Variants in PAK1 observed in about 807,000 individuals in gnomAD.
PAK1 encodes the protein serine/threonine-protein kinase PAK 1.
In PAK1, 29 loss-of-function variants were observed where a neutral mutation model predicts 67.4. The ratio of observed to expected loss-of-function variants is 0.43; its 90% CI spans 0.32 to 0.59. PAK1 has a LOEUF of 0.59. Among genes scored for constraint, PAK1 ranks in the 20% least tolerant of loss-of-function variants. The pLI is 0.07. For missense variants in PAK1, 337 were observed against 670.7 expected, an observed-to-expected ratio of 0.50 and a Z score of 5.50; for synonymous variants, 223 against 237.4, an observed-to-expected ratio of 0.94 and a Z score of 0.56.
chr11:77,464,644 T>C (rs1245548265), intron 1 of PAK1, among the ~76,000 whole-genome samples: 1 of 152,232 alleles, frequency 6.6e-6, no homozygotes, highest in Non-Finnish European at 1.5e-5. Flanking sequence ...GGTTACGACC[T>C]GATAAACCCA....
At chr11:77,327,708 A>G (rs1256211775) in intron 14 of PAK1, among the ~76,000 whole-genome samples, 1 of 152,258 alleles carries the variant, frequency 6.6e-6, no homozygotes, top group Admixed American at 6.5e-5. Context: ...CATCAAGGCT[A>G]GGAAGAAACT....
chr11:77,376,917 T>C (rs1045926011), intron 4 of PAK1, among the ~76,000 whole-genome samples: 1 of 152,180 alleles, frequency 6.6e-6, no homozygotes, highest in Non-Finnish European at 1.5e-5. Context: ...CTGAGCCTAA[T>C]TAATTTCTTT....
intron 1 of PAK1, among the ~76,000 whole-genome samples, chr11:77,449,752 G>C (rs772271557): frequency 2.2e-4 from 33 of 149,978 alleles, no homozygotes; most frequent in Admixed American, 4.0e-4. Context: ...GAAATAATGT[G>C]GACTAGGAAA....
At chr11:77,341,110 A>G (rs1356102942) in intron 10 of PAK1, among the ~76,000 whole-genome samples, 1 of 152,148 alleles carries the variant, frequency 6.6e-6, no homozygotes, top group Admixed American at 6.5e-5. Context: ...ACACCTCTAG[A>G]AGCATCCAAA....
chr11:77,498,984 C>A, the PAK1 span, among the ~76,000 whole-genome samples: 2 of 151,992 alleles, frequency 1.3e-5, no homozygotes, highest in Non-Finnish European at 2.9e-5. Flanking sequence ...CAGGCATGAG[C>A]CACCACGCCC....
chr11:77,371,609 T>C (rs138110847), intron 5 of PAK1, among the ~76,000 whole-genome samples: 1 of 152,346 alleles, frequency 6.6e-6, no homozygotes, highest in Non-Finnish European at 1.5e-5. Flanking sequence ...GCAGCAATTA[T>C]ATTTGATTAT....
At chr11:77,365,979 T>C (rs958487007) in intron 5 of PAK1, among the ~76,000 whole-genome samples, 3 of 152,184 alleles carry the variant, frequency 2.0e-5, no homozygotes, top group African/African-American at 7.2e-5. Flanking sequence ...AGCTGACTGC[T>C]GATCAGAGTA....
At chr11:77,406,460 C>A (rs1411403863) in intron 1 of PAK1, among the ~76,000 whole-genome samples, 1 of 152,176 alleles carries the variant, frequency 6.6e-6, no homozygotes, top group African/African-American at 2.4e-5. Context: ...GTATACTCAG[C>A]AACTAAATAG....
At chr11:77,494,129 T>C in the PAK1 span, among the ~76,000 whole-genome samples, 1 of 152,166 alleles carries the variant, frequency 6.6e-6, no homozygotes, top group African/African-American at 2.4e-5. Context: ...TATAGGAGTC[T>C]ATCCTACAAA....
chr11:77,430,844 T>TC (rs1041109460), intron 1 of PAK1, among the ~76,000 whole-genome samples: 1 of 150,980 alleles, frequency 6.6e-6, no homozygotes, highest in African/African-American at 2.4e-5. Context: ...ATTTCAGGGG[T>TC]CCCCAACTCC....
intron 1 of PAK1, among the ~76,000 whole-genome samples, chr11:77,437,393 A>T (rs535120800): frequency 1.3e-5 from 2 of 152,328 alleles, no homozygotes; most frequent in East Asian, 1.9e-4. Context: ...TACGATTATT[A>T]TGAGGATTAA....
chr11:77,446,913 A>G (rs1291695198), intron 1 of PAK1, among the ~76,000 whole-genome samples: 1 of 152,068 alleles, frequency 6.6e-6, no homozygotes, highest in Admixed American at 6.6e-5. Flanking sequence ...AAAAAAACAA[A>G]AAAGGAGAGC....
intron 1 of PAK1, among the ~76,000 whole-genome samples, chr11:77,471,254 A>C (rs114116282): frequency 0.012 from 1,872 of 152,326 alleles, 36 homozygotes; most frequent in African/African-American, 0.043. Context: ...AAAACGGGAC[A>C]GCAGGAGCTG....
At chr11:77,429,398 A>G (rs1955754208) in intron 1 of PAK1, among the ~76,000 whole-genome samples, 1 of 152,214 alleles carries the variant, frequency 6.6e-6, no homozygotes, top group Admixed American at 6.5e-5. Flanking sequence ...ACTGCCTACA[A>G]AATACTTATT....
chr11:77,491,664 TAACCTC>T, the PAK1 span, among the ~76,000 whole-genome samples: 1 of 152,128 alleles, frequency 6.6e-6, no homozygotes, highest in African/African-American at 2.4e-5. Context: ...AGCCTCATGA[TAACCTC>T]AAATCAAATA....
chr11:77,483,197 CA>C, the PAK1 span, among the ~76,000 whole-genome samples: 399 of 102,146 alleles, frequency 3.9e-3, 1 homozygote, highest in African/African-American at 0.011. Context: ...GACTCCATCT[CA>C]AAAAAAAAAA....
chr11:77,404,130 T>G (rs996491391), intron 1 of PAK1, among the ~76,000 whole-genome samples: 1 of 152,190 alleles, frequency 6.6e-6, no homozygotes, highest in Admixed American at 6.5e-5. Flanking sequence ...CTTTAGAAAT[T>G]ACCTAGTCTG....
chr11:77,325,467 A>C, intron 14 of PAK1: 4 of 1,313,568 alleles, frequency 3.0e-6, no homozygotes, highest in Non-Finnish European at 4.2e-6. Flanking sequence ...TAAAGTGTTT[A>C]GTGCCTAAAA....
intron 1 of PAK1, among the ~76,000 whole-genome samples, chr11:77,440,254 G>C (rs1194205213): frequency 6.6e-6 from 1 of 152,088 alleles, no homozygotes; most frequent in Non-Finnish European, 1.5e-5. Flanking sequence ...AACAAAAATA[G>C]CCAGGTGCAG....
Sources: gnomAD v4.1 joint callset for allele counts (sites outside exome capture counted in the v4.1 genomes callset) on GRCh38, gnomAD v4.1.1 for gene constraint, MANE v1.5 for transcripts, NCBI Gene and HGNC (gene_info 2026-07-23, HGNC 2026-07-21) for gene names.